ESRRG: variants seen among roughly 807,000 people sequenced by gnomAD.
The protein encoded by ESRRG is estrogen related receptor gamma, also known as estrogen-related receptor gamma.
A neutral mutation model predicts 44.0 loss-of-function variants in ESRRG; 13 were observed. The ratio of observed to expected loss-of-function variants is 0.30; its 90% CI spans 0.19 to 0.47. ESRRG has a LOEUF of 0.47. ESRRG is among the 20% of genes least tolerant of loss of function. The pLI is 1.00. For missense variants in ESRRG, 395 were observed against 580.6 expected (o/e 0.68, Z 3.29); for synonymous variants, 215 against 214.6 (o/e 1.00, Z -0.02).
intron 1 of ESRRG, among the ~76,000 whole-genome samples, chr1:217,012,539 A>G (rs553612674): frequency 1.3e-5 from 2 of 152,328 alleles, no homozygotes; most frequent in East Asian, 3.9e-4. Flanking sequence ...CAAGAAAATG[A>G]CACTGACACT....
intron 1 of ESRRG, chr1:216,707,280 A>G: frequency 2.7e-6 from 4 of 1,469,416 alleles, no homozygotes; most frequent in Non-Finnish European, 2.7e-6. Flanking sequence ...CAAACCATAT[A>G]CAAGTAACGT....
chr1:216,917,223 C>T (rs1348796277), intron 2 of ESRRG, among the ~76,000 whole-genome samples: 1 of 147,928 alleles, frequency 6.8e-6, no homozygotes, highest in African/African-American at 2.5e-5. Flanking sequence ...TCTGCCAGGT[C>T]TACTTAATGC....
At chr1:216,557,021 A>C (rs564236643) in intron 5 of ESRRG, among the ~76,000 whole-genome samples, 94 of 152,280 alleles carry the variant, frequency 6.2e-4, no homozygotes, top group African/African-American at 2.0e-3. Flanking sequence ...TATAACTTTC[A>C]ATCAGATTAA....
intron 3 of ESRRG, among the ~76,000 whole-genome samples, chr1:216,570,463 T>G (rs2060578522): frequency 6.6e-6 from 1 of 152,198 alleles, no homozygotes; most frequent in African/African-American, 2.4e-5. Flanking sequence ...CTCTCCACTT[T>G]CATCATGATT....
intron 1 of ESRRG, among the ~76,000 whole-genome samples, chr1:216,966,023 C>A (rs150853497): frequency 6.6e-6 from 1 of 152,302 alleles, no homozygotes; most frequent in East Asian, 1.9e-4. Context: ...ATGATACTGA[C>A]ACTGCTGGTA....
chr1:216,543,063 C>A (rs912698634), intron 5 of ESRRG, among the ~76,000 whole-genome samples: 10 of 151,998 alleles, frequency 6.6e-5, no homozygotes, highest in Admixed American at 2.0e-4. Flanking sequence ...ACCCTATTGA[C>A]AAACACTGTG....
intron 2 of ESRRG, among the ~76,000 whole-genome samples, chr1:216,773,958 TG>T (rs2093487599): frequency 6.6e-6 from 1 of 152,098 alleles, no homozygotes; most frequent in Non-Finnish European, 1.5e-5. Context: ...AATAGTAAAG[TG>T]GTTACTAATA....
At chr1:216,741,613 C>CAG (rs1314341578) in intron 2 of ESRRG, among the ~76,000 whole-genome samples, 1 of 152,124 alleles carries the variant, frequency 6.6e-6, no homozygotes. Context: ...TACTTGAAGG[C>CAG]AGAGACCCTG....
At chr1:216,994,678 T>C (rs1185112901) in intron 1 of ESRRG, among the ~76,000 whole-genome samples, 2 of 151,962 alleles carry the variant, frequency 1.3e-5, no homozygotes, top group Non-Finnish European at 2.9e-5. Context: ...ATCTCCAGGG[T>C]TCACGCCATT....
chr1:216,865,671 C>A (rs2096143226), intron 2 of ESRRG, among the ~76,000 whole-genome samples: 1 of 152,148 alleles, frequency 6.6e-6, no homozygotes, highest in African/African-American at 2.4e-5. Context: ...AAAATATAAT[C>A]CAATGGACCA....
intron 2 of ESRRG, among the ~76,000 whole-genome samples, chr1:216,856,392 T>C (rs1316117126): frequency 1.9e-5 from 2 of 107,812 alleles, no homozygotes; most frequent in East Asian, 4.3e-4. Flanking sequence ...CACACACACT[T>C]GGAACGAACA....
At chr1:216,588,514 G>T (rs905643811) in intron 3 of ESRRG, among the ~76,000 whole-genome samples, 4 of 152,050 alleles carry the variant, frequency 2.6e-5, no homozygotes, top group Non-Finnish European at 5.9e-5. Flanking sequence ...GCATTTCAAA[G>T]ACTTTGGAAT....
At chr1:216,872,450 A>G (rs2096272076) in intron 2 of ESRRG, among the ~76,000 whole-genome samples, 1 of 152,028 alleles carries the variant, frequency 6.6e-6, no homozygotes, top group African/African-American at 2.4e-5. Flanking sequence ...CTTTTTTTTA[A>G]AAATTGTCCC....
intron 2 of ESRRG, among the ~76,000 whole-genome samples, chr1:216,913,290 G>A (rs1014687461): frequency 6.6e-6 from 1 of 150,556 alleles, no homozygotes; most frequent in African/African-American, 2.4e-5. Flanking sequence ...ATCTAGAGAC[G>A]ATTTAAAGTA....
intron 3 of ESRRG, among the ~76,000 whole-genome samples, chr1:216,624,794 C>T (rs941411767): frequency 6.6e-6 from 1 of 152,164 alleles, no homozygotes; most frequent in African/African-American, 2.4e-5. Flanking sequence ...CATACCTTAA[C>T]TAAACTCATG....
intron 1 of ESRRG, among the ~76,000 whole-genome samples, chr1:217,130,302 A>T (rs1401884929): frequency 6.6e-6 from 1 of 152,174 alleles, no homozygotes. Flanking sequence ...GTGGGATCCT[A>T]GCTCACTGCA....
intron 1 of ESRRG, among the ~76,000 whole-genome samples, chr1:217,037,280 A>T (rs2083068673): frequency 6.6e-6 from 1 of 152,214 alleles, no homozygotes; most frequent in Non-Finnish European, 1.5e-5. Flanking sequence ...TGCTGATGAA[A>T]GACATACTGG....
intron 2 of ESRRG, among the ~76,000 whole-genome samples, chr1:216,733,819 C>T (rs186404388): frequency 4.4e-4 from 67 of 151,864 alleles, no homozygotes; most frequent in African/African-American, 1.5e-3. Context: ...AGCAAAACCC[C>T]GTCTCTACTA....
At chr1:216,821,045 A>C (rs576636328) in intron 2 of ESRRG, among the ~76,000 whole-genome samples, 1 of 152,346 alleles carries the variant, frequency 6.6e-6, no homozygotes, top group Non-Finnish European at 1.5e-5. Context: ...CTAGTTTTAT[A>C]GATTCAGCTG....
Sources: allele counts gnomAD v4.1 joint callset (sites outside exome capture counted in the v4.1 genomes callset), GRCh38; gene constraint gnomAD v4.1.1; transcripts MANE v1.5; gene names NCBI Gene and HGNC (gene_info 2026-07-23, HGNC 2026-07-21).